PEAK1: variants seen among roughly 807,000 people sequenced by gnomAD.
PEAK1 encodes inactive tyrosine-protein kinase PEAK1.
A neutral mutation model predicts 124.7 loss-of-function variants in PEAK1; 54 were observed. The ratio of observed to expected loss-of-function variants is 0.43; its 90% CI spans 0.35 to 0.54. The LOEUF (loss-of-function observed/expected upper bound fraction) is 0.54. Among genes scored for constraint, PEAK1 ranks in the 20% least tolerant of loss-of-function variants. PEAK1 has a pLI of 0.01. For missense variants in PEAK1, 2,046 were observed against 2,134.5 expected, an observed-to-expected ratio of 0.96 and a Z score of 0.82; for synonymous variants, 719 against 760.0, an observed-to-expected ratio of 0.95 and a Z score of 0.89.
intron 2 of PEAK1, chr15:77,334,659 T>G (rs1181908803): frequency 2.0e-6 from 2 of 985,264 alleles, no homozygotes; most frequent in Non-Finnish European, 2.4e-6. Flanking sequence ...TGTATTACTT[T>G]TGGATCAGCA....
At chr15:77,286,194 G>A (rs2062922649) in intron 3 of PEAK1, among the ~76,000 whole-genome samples, 3 of 152,148 alleles carry the variant, frequency 2.0e-5, no homozygotes, top group Admixed American at 1.3e-4. Flanking sequence ...TCTTAATCCT[G>A]AGTTCTAATT....
chr15:77,316,956 C>G (rs1476022304), intron 2 of PEAK1, among the ~76,000 whole-genome samples: 1 of 152,112 alleles, frequency 6.6e-6, no homozygotes, highest in Non-Finnish European at 1.5e-5. Context: ...TGGCGTGCAC[C>G]TGTAGTCCCA....
intron 5 of PEAK1, among the ~76,000 whole-genome samples, chr15:77,266,588 C>G (rs954298760): frequency 1.3e-5 from 2 of 152,122 alleles, no homozygotes; most frequent in African/African-American, 4.8e-5. Flanking sequence ...TGATTGAAAA[C>G]CATTTGCCAT....
At chr15:77,220,253 A>G (rs1480708864) in intron 6 of PEAK1, among the ~76,000 whole-genome samples, 1 of 152,076 alleles carries the variant, frequency 6.6e-6, no homozygotes, top group Non-Finnish European at 1.5e-5. Context: ...AGAGTTGATT[A>G]ACAAAAATGT....
intron 5 of PEAK1, among the ~76,000 whole-genome samples, chr15:77,257,979 T>C (rs1455588383): frequency 2.0e-5 from 3 of 152,200 alleles, no homozygotes; most frequent in Non-Finnish European, 2.9e-5. Context: ...ATTTATTAAA[T>C]AGGGAATCCT....
chr15:77,410,075 G>GT (rs71145825), intron 1 of PEAK1, among the ~76,000 whole-genome samples: 49,732 of 141,144 alleles, frequency 0.35, 8,641 homozygotes, highest in Non-Finnish European at 0.39. Flanking sequence ...GTGTGTGTGT[G>GT]TTTTTTTTTT....
At chr15:77,106,935 C>T (rs1004317892), downstream of PEAK1, 1 of 152,250 alleles carries the variant, frequency 6.6e-6, no homozygotes, top group Non-Finnish European at 1.5e-5. Flanking sequence ...TTTTGTTACA[C>T]TTCAGCCTTC....
At chr15:77,339,002 A>G (rs1180245829) in intron 2 of PEAK1, among the ~76,000 whole-genome samples, 1 of 152,188 alleles carries the variant, frequency 6.6e-6, no homozygotes, top group Non-Finnish European at 1.5e-5. Flanking sequence ...TAAAATTTGT[A>G]AATTGGTTAT....
chr15:77,238,575 T>G (rs1382919587), intron 6 of PEAK1, among the ~76,000 whole-genome samples: 1 of 152,196 alleles, frequency 6.6e-6, no homozygotes, highest in East Asian at 1.9e-4. Context: ...TCTTCAAATA[T>G]TTTGTGATTC....
intron 7 of PEAK1, among the ~76,000 whole-genome samples, chr15:77,168,750 C>T (rs1369152267): frequency 6.6e-6 from 1 of 152,186 alleles, no homozygotes; most frequent in Non-Finnish European, 1.5e-5. Context: ...AGATGCATAG[C>T]ATTCCTAAGT....
chr15:77,255,408 A>G, intron 5 of PEAK1: 3 of 979,874 alleles, frequency 3.1e-6, no homozygotes, highest in South Asian at 4.7e-5. Context: ...ATTTGAAAAC[A>G]AAAGTTCTTC....
intron 2 of PEAK1, among the ~76,000 whole-genome samples, chr15:77,354,633 C>A (rs1312139419): frequency 2.0e-5 from 3 of 152,206 alleles, no homozygotes; most frequent in Admixed American, 6.5e-5. Context: ...TGCCAAAAAA[C>A]AGGACTTATA....
At chr15:77,326,312 T>C (rs907474094) in intron 2 of PEAK1, among the ~76,000 whole-genome samples, 29 of 152,322 alleles carry the variant, frequency 1.9e-4, no homozygotes, top group African/African-American at 6.5e-4. Context: ...TATCTTGTGA[T>C]GACAAACCAT....
At chr15:77,356,452 G>A (rs2067522958) in intron 2 of PEAK1, among the ~76,000 whole-genome samples, 1 of 152,074 alleles carries the variant, frequency 6.6e-6, no homozygotes, top group Admixed American at 6.5e-5. Context: ...AATACACTTC[G>A]TATTATAACT....
At chr15:77,406,526 T>A (rs1016724443) in intron 1 of PEAK1, among the ~76,000 whole-genome samples, 2 of 152,102 alleles carry the variant, frequency 1.3e-5, no homozygotes, top group Non-Finnish European at 2.9e-5. Context: ...CAACCCCTTT[T>A]ATAATAGCTG....
intron 2 of PEAK1, among the ~76,000 whole-genome samples, chr15:77,353,696 G>A (rs1425264342): frequency 6.6e-6 from 1 of 152,168 alleles, no homozygotes; most frequent in African/African-American, 2.4e-5. Context: ...GGTAAAAAAA[G>A]AGATGACCTA....
chr15:77,134,214 G>A (rs369351960), intron 8 of PEAK1, among the ~76,000 whole-genome samples: 72 of 152,200 alleles, frequency 4.7e-4, no homozygotes, highest in African/African-American at 1.6e-3. Context: ...ATTAGACAGG[G>A]GCTCAGAAGA....
intron 2 of PEAK1, among the ~76,000 whole-genome samples, chr15:77,294,848 C>A (rs1419949054): frequency 6.6e-6 from 1 of 151,928 alleles, no homozygotes; most frequent in Non-Finnish European, 1.5e-5. Context: ...GATATTTATA[C>A]CTCATTAAGG....
At chr15:77,306,545 G>A (rs1833996461) in intron 2 of PEAK1, among the ~76,000 whole-genome samples, 1 of 152,100 alleles carries the variant, frequency 6.6e-6, no homozygotes, top group Non-Finnish European at 1.5e-5. Flanking sequence ...CCAGGAAATG[G>A]CCATGTGATA....
Sources: gnomAD v4.1 joint callset for allele counts (sites outside exome capture counted in the v4.1 genomes callset) on GRCh38, gnomAD v4.1.1 for gene constraint, MANE v1.5 for transcripts, NCBI Gene and HGNC (gene_info 2026-07-23, HGNC 2026-07-21) for gene names.